The following CSPP1 variants were observed in gnomAD, a reference collection of about 807,000 sequenced individuals.
CSPP1 encodes the protein centrosome and spindle pole associated protein 1.
A neutral mutation model predicts 164.4 loss-of-function variants in CSPP1; 126 were observed. The ratio of observed to expected loss-of-function variants is 0.77; its 90% confidence interval spans 0.66 to 0.89. The LOEUF is 0.89. CSPP1 is among the 40% of genes least tolerant of loss of function. The pLI is 0.00. For synonymous variants in CSPP1, 472 were observed against 476.7 expected (o/e 0.99, Z 0.13); for missense variants, 1,395 against 1,449.8 (o/e 0.96, Z 0.61).
At chr8:67,128,448 A>T (rs980645884) in intron 15 of CSPP1, among the ~76,000 whole-genome samples, 1 of 151,690 alleles carries the variant, frequency 6.6e-6, no homozygotes, top group Non-Finnish European at 1.5e-5. Flanking sequence ...CTGAGACAGG[A>T]GAATCACTTG....
At chr8:67,114,230 G>A (rs1357236775) in intron 11 of CSPP1, 99 bp from the exon 12 acceptor site, 1 of 161,038 alleles carries the variant, frequency 6.2e-6, no homozygotes, top group Non-Finnish European at 1.4e-5. Context: ...GAAAACTGAC[G>A]ACTTTATTTT....
At chr8:67,173,254 T>TAGGGGATTTGAGGGAAGAGTTAGG (rs1830829401) in intron 25 of CSPP1, among the ~76,000 whole-genome samples, 2 of 152,048 alleles carry the variant, frequency 1.3e-5, no homozygotes, top group Non-Finnish European at 2.9e-5. Context: ...AAGTGAAATC[T>TAGGGGATTTGAGGGAAGAGTTAGG]AGGGGATTTG....
rs1375095634 is a variant in CSPP1, at chr8:67,116,916, TTACTA to T, written c.1496+799_1496+803del. ...TTACTAACCAACTGTGGAAGTGTGTTTACTATACTTATCAGGGGCTTTGTGTTTTT... is the reference window on the plus strand; with the variant it reads ...TTACTAACCAACTGTGGAAGTGTGTTTACTTATCAGGGGCTTTGTGTTTTT... On this transcript the variant is annotated intron_variant, in intron 13 of 30. Transcript: ENST00000678616. 2.0e-5 allele frequency among the ~76,000 whole-genome samples: 3 copies of T among 152,172 alleles called. No individual in the cohort carries two copies. In the East Asian group the frequency reaches 5.8e-4, roughly 29 times the overall value.
chr8:67,159,071 A>G lies in CSPP1; in HGVS notation c.2472A>G (p.Glu824=). ...KEAERKKKEE[E]EKYNLQLQHY... Reference sequence around the variant, plus strand: ...CAGAAAGAAAGAAGAAAGAAGAAGAAGAAAAATATAACCTGCAACTTCAGC... The same window carrying G: ...CAGAAAGAAAGAAGAAAGAAGAAGAGGAAAAATATAACCTGCAACTTCAGC... Residue 824 remains glutamate (E), a synonymous_variant, in exon 21 of 31, where the codon GAA becomes GAG. Transcript: ENST00000678616. 1 of 1,613,258 alleles carries G rather than the reference A, an allele frequency of 6.2e-7. No individual in the cohort carries two copies. The highest frequency in any genetic ancestry group is 8.5e-7 in the Non-Finnish European group (1 of 1,179,654).
chr8:67,094,123 A>AAC (rs1812207443), intron 6 of CSPP1, among the ~76,000 whole-genome samples: 1 of 146,616 alleles, frequency 6.8e-6, no homozygotes, highest in Non-Finnish European at 1.5e-5. Context: ...TGGTCTGAAA[A>AAC]AAAAAAAAAA....
At chr8:67,193,623 G>C (rs901756241) in intron 30 of CSPP1, 21 bp downstream of exon 30, 10 of 1,600,610 alleles carry the variant, frequency 6.2e-6, no homozygotes, top group Admixed American at 3.3e-5. Context: ...AAGTGTAATG[G>C]CCTATAGTAG....
chr8:67,160,697 A>T (rs13264059), intron 21 of CSPP1, among the ~76,000 whole-genome samples: 30,486 of 151,590 alleles, frequency 0.2, 3,668 homozygotes, highest in East Asian at 0.37. Flanking sequence ...TGTCTGATAT[A>T]TATATATATT....
chr8:67,064,801 G>C (rs1243818101), intron 1 of CSPP1: 1 of 343,500 alleles, frequency 2.9e-6, no homozygotes, highest in Non-Finnish European at 5.4e-6. Context: ...CCGTGAGGCC[G>C]GCATCGGTGA....
intron 24 of CSPP1, 102 bp downstream of exon 24, chr8:67,164,610 T>G: frequency 3.5e-6 from 2 of 577,308 alleles, no homozygotes. Context: ...TTCATCTTAC[T>G]TAAAATCTCC....
Position 67,092,689 on chromosome 8 carries a change from C to T in CSPP1, c.384+806C>T, listed in dbSNP as rs1017640187. Reference sequence around the variant, plus strand: ...CGAGCTCCTGACCTCGTGATCCACCCGCCTCAGCCTCCCAAAGTACTGGCA... The same window carrying T: ...CGAGCTCCTGACCTCGTGATCCACCTGCCTCAGCCTCCCAAAGTACTGGCA... On this transcript the variant is annotated intron_variant, in intron 5 of 30. Transcript: ENST00000678616. Among the ~76,000 whole-genome samples the T allele has an allele frequency of 4.6e-5, 7 of 152,144 alleles. No individual in the cohort carries two copies. In the East Asian group the frequency reaches 1.2e-3, roughly 25 times the overall value.
chr8:67,185,616 A>G (rs557421471), intron 28 of CSPP1, among the ~76,000 whole-genome samples: 1 of 152,206 alleles, frequency 6.6e-6, no homozygotes, highest in Non-Finnish European at 1.5e-5. Context: ...AGGAAGATGC[A>G]GAGTCAGAAG....
intron 12 of CSPP1, chr8:67,115,384 G>A (rs1292573899): frequency 6.6e-6 from 1 of 152,662 alleles, no homozygotes; most frequent in Non-Finnish European, 1.5e-5. Context: ...ATAAGCATTA[G>A]ATATTCAGAG....
chr8:67,128,545 A>G (rs1200738086), intron 15 of CSPP1, among the ~76,000 whole-genome samples: 1 of 152,062 alleles, frequency 6.6e-6, no homozygotes, highest in Non-Finnish European at 1.5e-5. Flanking sequence ...ATCTCAAAAA[A>G]AAAAAAAAAA....
intron 15 of CSPP1, among the ~76,000 whole-genome samples, chr8:67,126,722 TGTTG>T (rs1820145720): frequency 6.6e-6 from 1 of 152,194 alleles, no homozygotes; most frequent in Non-Finnish European, 1.5e-5. Flanking sequence ...CTCAGGAATA[TGTTG>T]GAGCTTTTCA....
At chr8:67,194,625 A>T in intron 30 of CSPP1, among the ~76,000 whole-genome samples, 1 of 152,092 alleles carries the variant, frequency 6.6e-6, no homozygotes. Context: ...CCTTTCAAAC[A>T]GGAGCTTTTT....
At chr8:67,171,195 T>C (rs1239523297) in intron 24 of CSPP1, among the ~76,000 whole-genome samples, 1 of 150,464 alleles carries the variant, frequency 6.6e-6, no homozygotes, top group East Asian at 2.1e-4. Flanking sequence ...GGTCAAGAGA[T>C]AGAGACCGTC....
chr8:67,155,658 T>G (rs1826522012), intron 19 of CSPP1, among the ~76,000 whole-genome samples: 1 of 152,070 alleles, frequency 6.6e-6, no homozygotes, highest in African/African-American at 2.4e-5. Context: ...CATTGTAGTG[T>G]GTGCCTGTCA....
chr8:67,178,140 T>G (rs922785798), intron 27 of CSPP1, among the ~76,000 whole-genome samples: 3 of 152,230 alleles, frequency 2.0e-5, no homozygotes, highest in African/African-American at 7.2e-5. Context: ...TTGTGAGAAC[T>G]GAGATAATAT....
At position 67,121,052 on chromosome 8, in the gene CSPP1, ACCATGTTGG is replaced by A. The variant is rs573805822; in HGVS notation, c.1697+2235_1697+2243del. 3.9e-3 allele frequency among the ~76,000 whole-genome samples: 588 copies of A among 152,130 alleles called. 4 individuals carry two copies. Among genetic ancestry groups the A allele is most frequent in the African/African-American group, 0.013 (560 of 41,508 alleles). On this transcript the variant is annotated intron_variant, in intron 15 of 30. Coordinates refer to ENST00000678616, the MANE Select transcript of CSPP1 (RefSeq NM_001382391.1). Reference sequence around the variant, plus strand: ...GTATCTTTAGTAGAGACAGGGTTTCACCATGTTGGCCAGGCTGGTCTCGAACTCCTGACC... The same window carrying A: ...GTATCTTTAGTAGAGACAGGGTTTCACCAGGCTGGTCTCGAACTCCTGACC...
Sources: gnomAD v4.1 joint callset for allele counts (sites outside exome capture counted in the v4.1 genomes callset) on GRCh38, gnomAD v4.1.1 for gene constraint, MANE v1.5 for transcripts, NCBI Gene and HGNC (gene_info 2026-07-23, HGNC 2026-07-21) for gene names.